The following SORBS2 variants were observed in gnomAD, a reference collection of about 807,000 sequenced individuals.
The protein encoded by SORBS2 is sorbin and SH3 domain containing 2, also known as sorbin and SH3 domain-containing protein 2.
SORBS2 carries 46 observed loss-of-function variants against 97.7 expected under a neutral mutation model. The ratio of observed to expected loss-of-function variants is 0.47; its 90% confidence interval spans 0.37 to 0.60. The LOEUF (loss-of-function observed/expected upper bound fraction) is 0.60. Ranked by LOEUF, SORBS2 falls within the 20% of genes least tolerant of loss-of-function variation. SORBS2 has a pLI of 0.00. For missense variants in SORBS2, 1,316 were observed against 1,282.3 expected (o/e 1.03, Z -0.40); for synonymous variants, 476 against 473.4 (o/e 1.01, Z -0.07).
intron 4 of SORBS2, among the ~76,000 whole-genome samples, chr4:185,631,792 AAC>A (rs1008162696): frequency 5.1e-5 from 7 of 137,292 alleles, no homozygotes; most frequent in South Asian, 2.1e-4. Flanking sequence ...ACAACAAAAA[AAC>A]AAAACAAAAC....
intron 1 of SORBS2, among the ~76,000 whole-genome samples, chr4:185,915,168 T>C (rs1184865293): frequency 6.6e-6 from 1 of 152,226 alleles, no homozygotes; most frequent in African/African-American, 2.4e-5. Flanking sequence ...GCCTTTATAC[T>C]GCTTTCAGCA....
At chr4:185,788,268 GAAAGA>G (rs2099065526) in intron 1 of SORBS2, among the ~76,000 whole-genome samples, 1 of 152,236 alleles carries the variant, frequency 6.6e-6, no homozygotes, top group Non-Finnish European at 1.5e-5. Context: ...TTTTCATAGA[GAAAGA>G]AAAGAGATAC....
intron 12 of SORBS2, among the ~76,000 whole-genome samples, chr4:185,610,327 C>T (rs1208686195): frequency 6.6e-6 from 1 of 152,066 alleles, no homozygotes; most frequent in Non-Finnish European, 1.5e-5. Context: ...AGATTCTTAT[C>T]TTTTCTCTTT....
chr4:185,633,911 C>T (rs941768493), intron 4 of SORBS2, among the ~76,000 whole-genome samples: 8 of 152,134 alleles, frequency 5.3e-5, no homozygotes, highest in East Asian at 3.9e-4. Context: ...TATCTGACCA[C>T]ATTGAATTTC....
At chr4:185,791,984 C>G (rs2099082287) in intron 1 of SORBS2, among the ~76,000 whole-genome samples, 1 of 152,216 alleles carries the variant, frequency 6.6e-6, no homozygotes, top group East Asian at 1.9e-4. Context: ...TCTAATGGGA[C>G]AGCTTCTAAA....
At chr4:185,767,331 T>A (rs13122880) in intron 2 of SORBS2, among the ~76,000 whole-genome samples, 20,879 of 124,396 alleles carry the variant, frequency 0.17, 2,090 homozygotes, top group Middle Eastern at 0.23. Context: ...AAACCCCGTC[T>A]CTACTAAAAA....
rs557420904 is a variant in SORBS2, at chr4:185,880,999, G to A, written c.-338+75197C>T. Among the ~76,000 whole-genome samples, 25 of 152,232 alleles carry A rather than the reference G, an allele frequency of 1.6e-4. No individual in the cohort carries two copies. The South Asian group carries it at 5.2e-3, about 32-fold the overall frequency. ...GGGGAGAAAAAAGTGAAGAAAAAGA[G>A]AAAGGAAGGAAGGATGATACAGGAA... On this transcript the variant is annotated intron_variant, in intron 1 of 20. Transcript: ENST00000284776.
chr4:185,606,869 C>T lies in SORBS2; in HGVS notation c.2796+4911G>A. The T allele has an allele frequency of 1.0e-6, 1 of 987,338 alleles. No individual in the cohort carries two copies. The highest frequency in any genetic ancestry group is 1.2e-6 in the Non-Finnish European group (1 of 830,918). The allele number at this position is 987,338 out of a possible 1,614,324, so 61.2% of individuals were successfully genotyped here. On this transcript the variant is annotated intron_variant, in intron 12 of 14. Coordinates refer to ENST00000418609, the Ensembl canonical transcript of SORBS2. This position sits in a 1 kb window ranked among gnomAD's most constrained non-coding sequence, Gnocchi z 4.3. The stretch of plus-strand genomic sequence containing the variant: ...GGCAAGGAACCCACGCTGGTGCACG[C>T]AGAGGCCACAAAATTATCCCCTAGG...
chr4:185,894,574 G>A (rs567993840), intron 1 of SORBS2, among the ~76,000 whole-genome samples: 1 of 152,274 alleles, frequency 6.6e-6, no homozygotes, highest in African/African-American at 2.4e-5. Flanking sequence ...GACTTGACCA[G>A]CCGTGTCACA....
intron 1 of SORBS2, among the ~76,000 whole-genome samples, chr4:185,821,819 G>A (rs2099196976): frequency 1.3e-5 from 2 of 152,178 alleles, no homozygotes; most frequent in South Asian, 4.1e-4. Flanking sequence ...ACATTTTAAT[G>A]GAGTCATTCA....
chr4:185,841,058 A>ACGAAG (rs201399070), intron 1 of SORBS2, among the ~76,000 whole-genome samples: 3,684 of 152,266 alleles, frequency 0.024, 141 homozygotes, highest in African/African-American at 0.084. Flanking sequence ...CGTGGGTGAG[A>ACGAAG]CGAAGCAAAG....
chr4:185,734,854 C>A (rs2098672657), intron 2 of SORBS2, among the ~76,000 whole-genome samples: 1 of 152,222 alleles, frequency 6.6e-6, no homozygotes, highest in South Asian at 2.1e-4. Context: ...TTCAGGTCCC[C>A]CTCATCCTTG....
At position 185,941,316 on chromosome 4, in the gene SORBS2, G is replaced by A. The variant is rs184152536; in HGVS notation, c.-338+14880C>T. Among the ~76,000 whole-genome samples, 39 of 152,304 alleles carry A rather than the reference G, an allele frequency of 2.6e-4. No homozygotes were observed. The East Asian group carries it at 2.9e-3, about 11-fold the overall frequency. ...GTTGGAGAGCTAGAATTTGAATGTA[G>A]ATGGTCTGGCTCTAAAGCCTTTACC... On this transcript the variant is annotated intron_variant, in intron 1 of 20. Coordinates refer to the SORBS2 transcript ENST00000284776.
chr4:185,617,694 T>G (rs2096649980), intron 9 of SORBS2, among the ~76,000 whole-genome samples: 1 of 152,220 alleles, frequency 6.6e-6, no homozygotes, highest in Admixed American at 6.5e-5. Flanking sequence ...TCTGCTTATG[T>G]GCTTCCGCAA....
In SORBS2 at chr4:185,635,347, G is replaced by C; in HGVS notation, c.397-4749C>G. 1 of 1,603,934 alleles carries C rather than the reference G, an allele frequency of 6.2e-7. No individual in the cohort carries two copies. The highest frequency in any genetic ancestry group is 8.5e-7 in the Non-Finnish European group (1 of 1,170,844). On this transcript the variant is annotated intron_variant, in intron 4 of 14. Coordinates refer to ENST00000418609, the Ensembl canonical transcript of SORBS2. Reference sequence around the variant, plus strand: ...ATATCTGAAAAAGAGAGAATAACGTGTTTTTACCTCATTGAAAACACCAGA... The same window carrying C: ...ATATCTGAAAAAGAGAGAATAACGTCTTTTTACCTCATTGAAAACACCAGA...
intron 2 of SORBS2, among the ~76,000 whole-genome samples, chr4:185,708,570 A>G (rs2098380834): frequency 1.3e-5 from 2 of 152,246 alleles, no homozygotes; most frequent in African/African-American, 4.8e-5. Flanking sequence ...AACCTTATAA[A>G]AAGTAAATGA....
intron 2 of SORBS2, among the ~76,000 whole-genome samples, chr4:185,726,924 G>C (rs60166910): frequency 6.6e-6 from 1 of 152,108 alleles, no homozygotes; most frequent in African/African-American, 2.4e-5. Flanking sequence ...TTTCTGGAAG[G>C]AACATAGGGT....
At chr4:185,947,254 G>A (rs2099274975) in intron 1 of SORBS2, among the ~76,000 whole-genome samples, 1 of 152,204 alleles carries the variant, frequency 6.6e-6, no homozygotes, top group Admixed American at 6.5e-5. Flanking sequence ...TATGGGATCT[G>A]TACTATAGTC....
intron 1 of SORBS2, among the ~76,000 whole-genome samples, chr4:185,879,274 G>A (rs1225018426): frequency 6.7e-6 from 1 of 149,114 alleles, no homozygotes; most frequent in African/African-American, 2.5e-5. Context: ...GCGGTGTTTG[G>A]TTTTCTGTCC....
Sources: gnomAD v4.1 joint callset for allele counts (sites outside exome capture counted in the v4.1 genomes callset) on GRCh38, gnomAD v4.1.1 for gene constraint, Gnocchi (gnomAD v3.1) non-coding constraint, MANE v1.5 for transcripts, NCBI Gene and HGNC (gene_info 2026-07-23, HGNC 2026-07-21) for gene names.